Variants in TBC1D30 observed in about 807,000 individuals in gnomAD.
TBC1D30 encodes TBC1 domain family, member 30.
A neutral mutation model predicts 63.2 loss-of-function variants in TBC1D30; 31 were observed. The observed-to-expected ratio is 0.49, with a 90% CI of 0.37 to 0.66. The LOEUF is 0.66. Among genes scored for constraint, TBC1D30 ranks in the 30% least tolerant of loss-of-function variants. The pLI is 0.00. For missense variants in TBC1D30, 810 were observed against 953.6 expected, an observed-to-expected ratio of 0.85 and a Z score of 1.98; for synonymous variants, 307 against 361.5, an observed-to-expected ratio of 0.85 and a Z score of 1.71.
chr12:64,816,095 C>A (rs1408554737), intron 2 of TBC1D30, among the ~76,000 whole-genome samples: 1 of 149,628 alleles, frequency 6.7e-6, no homozygotes, highest in African/African-American at 2.5e-5. Context: ...CGCAGTGGTG[C>A]AATCTTGGCT....
chr12:64,827,306 G>C (rs1305417206), intron 1 of TBC1D30, among the ~76,000 whole-genome samples: 1 of 152,156 alleles, frequency 6.6e-6, no homozygotes, highest in Non-Finnish European at 1.5e-5. Flanking sequence ...AAAATTAGCT[G>C]TGCGTGGTAG....
intron 1 of TBC1D30, 77 bp downstream of exon 1, chr12:64,825,110 C>T: frequency 6.9e-7 from 1 of 1,457,602 alleles, no homozygotes; most frequent in East Asian, 2.5e-5. Flanking sequence ...TAGCCTGACT[C>T]CGTCTAGGCC....
chr12:64,802,335 C>T (rs886783407), intron 2 of TBC1D30, among the ~76,000 whole-genome samples: 2 of 151,974 alleles, frequency 1.3e-5, no homozygotes, highest in Non-Finnish European at 2.9e-5. Context: ...TCTGGGCCCT[C>T]GAGCTCTGGG....
chr12:64,767,798 G>GA (rs1870771721), intron 1 of TBC1D30, among the ~76,000 whole-genome samples: 1 of 29,634 alleles, frequency 3.4e-5, no homozygotes, highest in Non-Finnish European at 7.1e-5. Context: ...CGGGGGGGGG[G>GA]GGAGGGGGGG....
intron 8 of TBC1D30, among the ~76,000 whole-genome samples, chr12:64,846,107 T>G (rs1476992970): frequency 6.6e-6 from 1 of 151,508 alleles, no homozygotes; most frequent in Non-Finnish European, 1.5e-5. Context: ...ATTAATCCCT[T>G]TTCAGATGAG....
chr12:64,802,066 G>C (rs1872607107), intron 2 of TBC1D30, among the ~76,000 whole-genome samples: 1 of 152,132 alleles, frequency 6.6e-6, no homozygotes, highest in Non-Finnish European at 1.5e-5. Flanking sequence ...ACTCTGTATA[G>C]AAATATATTT....
At chr12:64,855,437 C>T (rs1285856181) in intron 8 of TBC1D30, among the ~76,000 whole-genome samples, 1 of 152,188 alleles carries the variant, frequency 6.6e-6, no homozygotes, top group African/African-American at 2.4e-5. Flanking sequence ...CTTTCTCTAA[C>T]TCCACTTTAA....
chr12:64,824,647 A>G lies in TBC1D30; in HGVS notation c.-233A>G, dbSNP rs1874130937. The G allele has an allele frequency of 2.3e-6, 1 of 434,100 alleles. No individual in the cohort carries two copies. The highest frequency in any genetic ancestry group is 6.5e-5 in the South Asian group (1 of 15,292). The allele number at this position is 434,100 out of a possible 1,614,324, so 26.9% of individuals were successfully genotyped here. A position where few individuals can be genotyped will look rare whatever the true frequency, so the allele number is the denominator to read the frequency against. The stretch of plus-strand genomic sequence containing the variant: ...CCCGCCTCGAGCGATCTCCTGCCTC[A>G]GCCTTGCAGGCTCCGCACTGCAGAT... On this transcript the variant is annotated 5_prime_UTR_variant, in exon 1 of 12. Transcript: ENST00000539867.
At chr12:64,771,194 G>A (rs1283729174) in intron 1 of TBC1D30, among the ~76,000 whole-genome samples, 1 of 151,800 alleles carries the variant, frequency 6.6e-6, no homozygotes, top group African/African-American at 2.4e-5. Flanking sequence ...TACTCCAGCA[G>A]AGCCTAAGGT....
chr12:64,766,132 C>T (rs1191531884), intron 1 of TBC1D30, among the ~76,000 whole-genome samples: 1 of 151,712 alleles, frequency 6.6e-6, no homozygotes, highest in Non-Finnish European at 1.5e-5. Context: ...GAAGGTATAG[C>T]AAGAGAAAAA....
chr12:64,799,104 G>A (rs993228072), intron 2 of TBC1D30, among the ~76,000 whole-genome samples: 9 of 151,940 alleles, frequency 5.9e-5, no homozygotes, highest in Non-Finnish European at 1.0e-4. Context: ...TTTCTTAAGA[G>A]CAGGGATGGA....
Position 64,765,490 on chromosome 12 carries a change from CAAAAAAAAAAAAAA to C in TBC1D30, c.-376+5858_-376+5871del, listed in dbSNP as rs60489979. Among the ~76,000 whole-genome samples the C allele has an allele frequency of 5.7e-4, 10 of 17,604 alleles. 1 individual carries two copies. Among genetic ancestry groups the C allele is most frequent in the Non-Finnish European group, 1.1e-3 (9 of 8,410 alleles). 11.5% of individuals were successfully genotyped at this position (17,604 alleles called of 152,430 possible). On this transcript the variant is annotated intron_variant, in intron 1 of 13. Coordinates refer to the TBC1D30 transcript ENST00000674237. Reference sequence around the variant, plus strand: ...CTGGGCGACAGAGCAAGACTGTCTCCAAAAAAAAAAAAAAAAAAAAAAAAAAAAAATTACTATAT... The same window carrying C: ...CTGGGCGACAGAGCAAGACTGTCTCCAAAAAAAAAAAAAAAATTACTATAT...
chr12:64,806,709 A>G (rs1283536824), intron 2 of TBC1D30, among the ~76,000 whole-genome samples: 4 of 152,204 alleles, frequency 2.6e-5, no homozygotes, highest in African/African-American at 9.7e-5. Flanking sequence ...CAGGGTCTCA[A>G]AGAGATATTT....
chr12:64,811,631 C>G (rs1377400794), intron 2 of TBC1D30, among the ~76,000 whole-genome samples: 1 of 152,154 alleles, frequency 6.6e-6, no homozygotes, highest in Non-Finnish European at 1.5e-5. Flanking sequence ...GTATGTCCAG[C>G]CATGGCATCG....
intron 4 of TBC1D30, among the ~76,000 whole-genome samples, chr12:64,831,211 GT>G (rs979857247): frequency 6.1e-4 from 92 of 151,302 alleles, no homozygotes; most frequent in South Asian, 1.9e-3. Flanking sequence ...ATATTTGGAG[GT>G]TTTTTTTTAA....
chr12:64,805,954 TTC>T (rs1385855399), intron 2 of TBC1D30, among the ~76,000 whole-genome samples: 7 of 152,240 alleles, frequency 4.6e-5, no homozygotes, highest in African/African-American at 1.7e-4. Context: ...GAATGAGCAA[TTC>T]TCTCTGCCAT....
At position 64,880,774 on chromosome 12, in the gene TBC1D30, G is replaced by T. The variant is rs1006264329; in HGVS notation, c.*4986G>T. 2 of 152,158 alleles carry T rather than the reference G, an allele frequency of 1.3e-5. No homozygotes were observed. Among genetic ancestry groups the T allele is most frequent in the Non-Finnish European group, 2.9e-5 (2 of 68,030 alleles). The allele number at this position is 152,158 out of a possible 1,614,324, so 9.4% of individuals were successfully genotyped here. ...AGCTACACCAACCTGTGCCCCAGGG[G>T]CTTCAAGAGTTGTTGTTGTTTTAAC... On this transcript the variant is annotated 3_prime_UTR_variant, in exon 12 of 12. Coordinates refer to ENST00000539867, the MANE Select transcript of TBC1D30 (RefSeq NM_015279.2).
intron 8 of TBC1D30, among the ~76,000 whole-genome samples, chr12:64,844,231 T>G (rs931066775): frequency 3.3e-5 from 5 of 152,234 alleles, no homozygotes; most frequent in Non-Finnish European, 7.3e-5. Flanking sequence ...ATCATAAATT[T>G]TAAAGTGAAA....
At chr12:64,836,234 A>G (rs763737991) in intron 5 of TBC1D30, among the ~76,000 whole-genome samples, 109 of 152,218 alleles carry the variant, frequency 7.2e-4, no homozygotes, top group Non-Finnish European at 3.7e-4. Context: ...GGCCGAACTC[A>G]GGTCTAGCAA....
Sources: gnomAD v4.1 joint callset for allele counts (sites outside exome capture counted in the v4.1 genomes callset) on GRCh38, gnomAD v4.1.1 for gene constraint, MANE v1.5 for transcripts, NCBI Gene and HGNC (gene_info 2026-07-23, HGNC 2026-07-21) for gene names.